Variants in ADAM18 observed in about 807,000 individuals in gnomAD.
ADAM18 encodes disintegrin and metalloproteinase domain-containing protein 18.
A neutral mutation model predicts 94.4 loss-of-function variants in ADAM18; 117 were observed. The observed-to-expected ratio is 1.24, with a 90% CI of 1.07 to 1.45. The LOEUF is 1.45. Among genes scored for constraint, ADAM18 ranks in the 40% most tolerant of loss-of-function variants. The probability of loss-of-function intolerance (pLI) is 0.00; values close to 1 mark genes in which losing one functional copy is unlikely to be tolerated. For synonymous variants in ADAM18, 327 were observed against 291.6 expected (o/e 1.12, Z -1.24); for missense variants, 936 against 880.0 (o/e 1.06, Z -0.81).
Position 39,648,529 on chromosome 8 carries a change from T to C in ADAM18, c.1230+2T>C, listed in dbSNP as rs1372031154. 1 of 1,588,208 alleles carries C rather than the reference T, an allele frequency of 6.3e-7. No individual in the cohort carries two copies. Reference sequence around the variant, plus strand: ...GAATGTGACTGTGGTAATAAAAATGTGAGTAACAAAGATTGAAACTCGAGC... The same window carrying C: ...GAATGTGACTGTGGTAATAAAAATGCGAGTAACAAAGATTGAAACTCGAGC... On this transcript the variant is annotated splice_donor_variant, in intron 12 of 19. Coordinates refer to ENST00000265707, the MANE Select transcript of ADAM18 (RefSeq NM_014237.3). LOFTEE classifies it high-confidence loss of function.
At chr8:39,701,411 C>T (rs1307962304) in intron 17 of ADAM18, among the ~76,000 whole-genome samples, 2 of 151,616 alleles carry the variant, frequency 1.3e-5, no homozygotes, top group Non-Finnish European at 2.9e-5. Flanking sequence ...ACATTATATG[C>T]TCTTTATTTC....
At chr8:39,670,159 G>T (rs1354338814) in intron 14 of ADAM18, among the ~76,000 whole-genome samples, 1 of 152,084 alleles carries the variant, frequency 6.6e-6, no homozygotes, top group Non-Finnish European at 1.5e-5. Flanking sequence ...TTTTGATGGG[G>T]TTGTTTGTTT....
At chr8:39,658,345 A>G (rs1820741846) in intron 12 of ADAM18, among the ~76,000 whole-genome samples, 1 of 152,212 alleles carries the variant, frequency 6.6e-6, no homozygotes, top group South Asian at 2.1e-4. Flanking sequence ...GAGACAATAT[A>G]CCACATTATT....
In ADAM18 at chr8:39,611,745, C is replaced by T. The variant is rs74630819; in HGVS notation, c.522+1039C>T. 8.1e-3 allele frequency among the ~76,000 whole-genome samples: 1,223 copies of T among 151,780 alleles called. 10 individuals are homozygous for T. Among genetic ancestry groups the T allele is most frequent in the Middle Eastern group, 0.038 (11 of 292 alleles). On this transcript the variant is annotated intron_variant, in intron 6 of 19. Transcript: ENST00000265707. ...CAACATGTGGAGAAAAAAAAAAGTGCCTATAGGTTGTGATGGGAACCAAAT... is the reference window on the plus strand; with the variant it reads ...CAACATGTGGAGAAAAAAAAAAGTGTCTATAGGTTGTGATGGGAACCAAAT...
chr8:39,723,574 G>GA (rs2129581856), intron 18 of ADAM18, among the ~76,000 whole-genome samples, 174 bp from the exon 19 acceptor site: 1 of 151,700 alleles, frequency 6.6e-6, no homozygotes, highest in Admixed American at 6.6e-5. Flanking sequence ...TAAATAAACA[G>GA]AAAATCTATG....
At chr8:39,616,278 T>C (rs907984297) in intron 6 of ADAM18, among the ~76,000 whole-genome samples, 34 of 151,814 alleles carry the variant, frequency 2.2e-4, no homozygotes, top group African/African-American at 7.3e-4. Context: ...CGTGCACGTG[T>C]ATTCCCATGT....
intron 6 of ADAM18, among the ~76,000 whole-genome samples, chr8:39,612,635 T>C (rs184997024): frequency 6.6e-6 from 1 of 152,270 alleles, no homozygotes; most frequent in Non-Finnish European, 1.5e-5. Flanking sequence ...TTGTTGATTG[T>C]TGGACCTGGA....
intron 2 of ADAM18, among the ~76,000 whole-genome samples, chr8:39,587,608 A>T (rs1190373458): frequency 6.6e-6 from 1 of 151,784 alleles, no homozygotes; most frequent in Non-Finnish European, 1.5e-5. Flanking sequence ...CCACACCTGG[A>T]TAATTTTGTA....
At chr8:39,681,955 T>G (rs1019652484) in intron 16 of ADAM18, among the ~76,000 whole-genome samples, 1 of 152,178 alleles carries the variant, frequency 6.6e-6, no homozygotes, top group African/African-American at 2.4e-5. Context: ...TAACCATTGA[T>G]GATTTTGAAA....
chr8:39,707,712 C>G (rs1166760022), intron 18 of ADAM18, among the ~76,000 whole-genome samples: 1 of 151,816 alleles, frequency 6.6e-6, no homozygotes, highest in Non-Finnish European at 1.5e-5. Flanking sequence ...TATAAACATA[C>G]AAGTTTATTT....
At chr8:39,725,351 C>G (rs1268251085) in intron 19 of ADAM18, among the ~76,000 whole-genome samples, 4 of 151,994 alleles carry the variant, frequency 2.6e-5, no homozygotes, top group Non-Finnish European at 5.9e-5. Context: ...AAGGTAAGAA[C>G]ACTTGATATA....
intron 15 of ADAM18, 28 bp downstream of exon 15, chr8:39,677,564 T>TGGCTCACGCC: frequency 6.7e-7 from 1 of 1,503,558 alleles, no homozygotes; most frequent in Non-Finnish European, 9.0e-7. Flanking sequence ...GATTGCTTCT[T>TGGCTCACGCC]TGAATCATAA....
At chr8:39,683,268 T>G (rs569453481) in intron 16 of ADAM18, among the ~76,000 whole-genome samples, 1 of 152,330 alleles carries the variant, frequency 6.6e-6, no homozygotes, top group East Asian at 1.9e-4. Context: ...GTGACAAATT[T>G]GGAAGCATAT....
chr8:39,585,010 G>C (rs1180020848), intron 1 of ADAM18, among the ~76,000 whole-genome samples: 1 of 152,146 alleles, frequency 6.6e-6, no homozygotes, highest in Non-Finnish European at 1.5e-5. Context: ...GAGGAAGCAA[G>C]TCTCTCATCG....
chr8:39,646,869 T>C (rs1187568373), intron 11 of ADAM18, among the ~76,000 whole-genome samples: 1 of 152,078 alleles, frequency 6.6e-6, no homozygotes, highest in African/African-American at 2.4e-5. Context: ...AAAAGTGCTG[T>C]ATAGAAAAAT....
intron 4 of ADAM18, 121 bp from the exon 5 acceptor site, chr8:39,609,364 C>A: frequency 2.8e-6 from 2 of 704,136 alleles, no homozygotes; most frequent in Non-Finnish European, 4.7e-6. Context: ...TGAAAATATG[C>A]ATTAATAATT....
chr8:39,660,448 G>A (rs868300898), intron 12 of ADAM18, among the ~76,000 whole-genome samples: 2 of 152,148 alleles, frequency 1.3e-5, no homozygotes, highest in African/African-American at 4.8e-5. Flanking sequence ...AACAGGGACA[G>A]CTATATTAAT....
At chr8:39,712,647 C>G (rs1317387430) in intron 18 of ADAM18, among the ~76,000 whole-genome samples, 1 of 152,010 alleles carries the variant, frequency 6.6e-6, no homozygotes, top group African/African-American at 2.4e-5. Flanking sequence ...TATACAATAA[C>G]AGACAAACAG....
intron 6 of ADAM18, among the ~76,000 whole-genome samples, chr8:39,618,783 T>A (rs1435277024): frequency 2.0e-5 from 3 of 152,162 alleles, no homozygotes; most frequent in Non-Finnish European, 4.4e-5. Context: ...CCCAGAGCTA[T>A]GAACATCTGC....
Sources: allele counts gnomAD v4.1 joint callset (sites outside exome capture counted in the v4.1 genomes callset), GRCh38; gene constraint gnomAD v4.1.1; transcripts MANE v1.5; gene names NCBI Gene and HGNC (gene_info 2026-07-23, HGNC 2026-07-21).